PCDHA4: variants seen among roughly 807,000 people sequenced by gnomAD.
PCDHA4 encodes the protein protocadherin alpha 4.
In PCDHA4, 49 loss-of-function variants were observed where a neutral mutation model predicts 61.4. The ratio of observed to expected loss-of-function variants is 0.80; its 90% CI spans 0.63 to 1.01. The LOEUF (loss-of-function observed/expected upper bound fraction) is 1.01, where lower values mean the gene tolerates loss of function less well. Ranked by LOEUF, PCDHA4 falls within the 50% of genes least tolerant of loss-of-function variation. The pLI is 0.00. For missense variants in PCDHA4, 1,254 were observed against 1,235.8 expected, an observed-to-expected ratio of 1.01 and a Z score of -0.22; for synonymous variants, 590 against 550.3, an observed-to-expected ratio of 1.07 and a Z score of -1.01.
intron 1 of PCDHA4, chr5:140,813,080 G>A (rs1765223066): frequency 6.6e-6 from 1 of 152,134 alleles, no homozygotes; most frequent in African/African-American, 2.4e-5. Context: ...CCTGGAAAAT[G>A]CTCTGAGTGT....
intron 3 of PCDHA4, among the ~76,000 whole-genome samples, chr5:141,000,500 T>A (rs1440390927): frequency 5.7e-5 from 8 of 140,516 alleles, no homozygotes; most frequent in Non-Finnish European, 1.2e-4. Context: ...AGATCTCGGC[T>A]CACTGCAACC....
At chr5:140,861,304 A>G (rs1581606834) in intron 1 of PCDHA4, 1 of 189,694 alleles carries the variant, frequency 5.3e-6, no homozygotes, top group Non-Finnish European at 1.1e-5. Context: ...GTGAAGCGGG[A>G]AAGGACCAGT....
At chr5:140,925,082 A>G (rs1362065754) in intron 1 of PCDHA4, among the ~76,000 whole-genome samples, 1 of 147,284 alleles carries the variant, frequency 6.8e-6, no homozygotes, top group African/African-American at 2.6e-5. Context: ...GCTCATCTGG[A>G]AAGGAAGGAA....
At chr5:140,823,495 G>C in intron 1 of PCDHA4, 1 of 1,613,338 alleles carries the variant, frequency 6.2e-7, no homozygotes. Flanking sequence ...TGGCACCGGC[G>C]GCGCAGTGAG....
chr5:140,884,240 G>A (rs139927854), intron 1 of PCDHA4: 5 of 1,613,368 alleles, frequency 3.1e-6, no homozygotes, highest in African/African-American at 1.3e-5. Context: ...CGGTGAGCCC[G>A]CGCTGACGGC....
chr5:140,928,571 C>T (rs369670852), intron 1 of PCDHA4: 1 of 1,614,180 alleles, frequency 6.2e-7, no homozygotes, highest in East Asian at 2.2e-5. Context: ...TTTCCCTTGC[C>T]CAGAAATGGT....
chr5:140,865,248 G>C (rs2048793700), intron 1 of PCDHA4: 1 of 152,148 alleles, frequency 6.6e-6, no homozygotes, highest in Non-Finnish European at 1.5e-5. Context: ...ATTTATAGCT[G>C]TAAGGATGTG....
chr5:140,964,168 G>A (rs928554352), intron 1 of PCDHA4, among the ~76,000 whole-genome samples: 1 of 152,166 alleles, frequency 6.6e-6, no homozygotes, highest in Non-Finnish European at 1.5e-5. Flanking sequence ...TGTGAGGAAC[G>A]AAATCATTAT....
intron 1 of PCDHA4, among the ~76,000 whole-genome samples, chr5:140,922,023 T>TA (rs530025575): frequency 3.9e-5 from 6 of 151,968 alleles, no homozygotes; most frequent in African/African-American, 1.4e-4. Flanking sequence ...AAAATAAATA[T>TA]AAAAAATGTA....
In PCDHA4 at chr5:140,904,302, A is replaced by C. The variant is rs553969479; in HGVS notation, c.2386-74647A>C. Among the ~76,000 whole-genome samples, 22 of 151,950 alleles carry C rather than the reference A, an allele frequency of 1.4e-4. No individual in the cohort carries two copies. In the East Asian group the frequency reaches 3.9e-3, roughly 27 times the overall value. On this transcript the variant is annotated intron_variant, in intron 1 of 3. Transcript: ENST00000530339. ...TGTGGTGTTTGGTTTTCCATTCCTG[A>C]GTTTCTTCACTTAGAATAATGGTCT...
intron 3 of PCDHA4, among the ~76,000 whole-genome samples, chr5:141,003,429 A>G (rs782300910): frequency 6.6e-5 from 10 of 152,138 alleles, no homozygotes; most frequent in Non-Finnish European, 1.3e-4. Flanking sequence ...CTTATGCCTC[A>G]GCCTCCCAAG....
chr5:141,008,437 C>T (rs1261106138), intron 3 of PCDHA4, among the ~76,000 whole-genome samples: 1 of 152,182 alleles, frequency 6.6e-6, no homozygotes. Context: ...TTTGCCCAGA[C>T]AGACCATTAC....
intron 1 of PCDHA4, among the ~76,000 whole-genome samples, chr5:140,973,059 A>G (rs2096570291): frequency 6.6e-6 from 1 of 152,062 alleles, no homozygotes; most frequent in African/African-American, 2.4e-5. Context: ...TTTGTCCAAC[A>G]GTGTCTCAGT....
At chr5:140,922,386 T>G (rs1554200798) in intron 1 of PCDHA4, among the ~76,000 whole-genome samples, 1 of 152,194 alleles carries the variant, frequency 6.6e-6, no homozygotes, top group African/African-American at 2.4e-5. Context: ...AACCAAAGAC[T>G]CCTTGTTTTG....
chr5:140,929,164 GC>G (rs781931769), intron 1 of PCDHA4: 2 of 1,614,150 alleles, frequency 1.2e-6, no homozygotes, highest in Non-Finnish European at 1.7e-6. Context: ...TCTCTATCGG[GC>G]CTCTCTGGGA....
intron 1 of PCDHA4, among the ~76,000 whole-genome samples, chr5:140,921,213 G>A (rs759293646): frequency 1.3e-5 from 2 of 151,378 alleles, no homozygotes; most frequent in East Asian, 1.9e-4. Context: ...GATAATTCAC[G>A]TCTTTTTTGC....
intron 1 of PCDHA4, chr5:140,841,656 G>A (rs2150320289): frequency 6.2e-7 from 1 of 1,614,162 alleles, no homozygotes; most frequent in Admixed American, 1.7e-5. Context: ...ATCGTGGACA[G>A]GCCGCTGCAG....
intron 1 of PCDHA4, chr5:140,966,972 T>A (rs1554229007): frequency 6.2e-7 from 1 of 1,602,946 alleles, no homozygotes; most frequent in Non-Finnish European, 8.5e-7. Flanking sequence ...GGGCTTGAGC[T>A]GCGGCGCTTG....
At chr5:140,883,311 C>T (rs1562787016) in intron 1 of PCDHA4, 9 of 1,613,984 alleles carry the variant, frequency 5.6e-6, no homozygotes, top group Non-Finnish European at 7.6e-6. Flanking sequence ...GATAACGCCC[C>T]AGAGGTTACC....
Sources: gnomAD v4.1 joint callset for allele counts (sites outside exome capture counted in the v4.1 genomes callset) on GRCh38, gnomAD v4.1.1 for gene constraint, MANE v1.5 for transcripts, NCBI Gene and HGNC (gene_info 2026-07-23, HGNC 2026-07-21) for gene names.